Variants in EDA observed in about 807,000 individuals in gnomAD.
EDA encodes ectodysplasin A, also known as ectodysplasin-A.
A neutral mutation model predicts 23.6 loss-of-function variants in EDA; 2 were observed. That is an observed-to-expected ratio of 0.08 (90% confidence interval 0.03 to 0.27). EDA has a LOEUF of 0.27. Among genes scored for constraint, EDA ranks in the 10% least tolerant of loss-of-function variants. The probability of loss-of-function intolerance (pLI) is 1.00; values close to 1 mark genes in which losing one functional copy is unlikely to be tolerated. For synonymous variants in EDA, 131 were observed against 132.0 expected, an observed-to-expected ratio of 0.99 and a Z score of 0.05; for missense variants, 229 against 324.2, an observed-to-expected ratio of 0.71 and a Z score of 2.26.
chrX:69,760,005 C>T (rs2014249866), intron 1 of EDA, among the ~76,000 whole-genome samples: 1 of 108,638 alleles, frequency 9.2e-6, no homozygotes, highest in African/African-American at 3.4e-5. Context: ...GCAAATACCA[C>T]GTCTTTAAAG....
intron 1 of EDA, chrX:69,670,405 G>A (rs902372361): frequency 6.8e-6 from 2 of 292,101 alleles, no homozygotes; most frequent in Non-Finnish European, 1.2e-5. Flanking sequence ...AACTGTTTGC[G>A]AACTTTTGAG....
chrX:69,882,439 T>C (rs746012741), intron 1 of EDA, among the ~76,000 whole-genome samples: 1 of 111,997 alleles, frequency 8.9e-6, no homozygotes, highest in African/African-American at 3.2e-5. Flanking sequence ...ATGAACATTC[T>C]CTTGCTATTT....
At chrX:69,962,808 A>C (rs1258062264) in intron 2 of EDA, among the ~76,000 whole-genome samples, 1 of 112,294 alleles carries the variant, frequency 8.9e-6, no homozygotes, top group Admixed American at 9.4e-5. Flanking sequence ...ATGGTGTGCC[A>C]GGCATTTGGG....
intron 1 of EDA, among the ~76,000 whole-genome samples, chrX:69,684,436 A>G (rs1477521242): frequency 8.9e-6 from 1 of 112,153 alleles, no homozygotes; most frequent in Non-Finnish European, 1.9e-5. Context: ...CAAAAAAACA[A>G]TTAAATTGTG....
intron 1 of EDA, among the ~76,000 whole-genome samples, chrX:69,659,981 A>G (rs898083140): frequency 4.5e-5 from 5 of 111,621 alleles, no homozygotes; most frequent in African/African-American, 1.3e-4. Flanking sequence ...GTCAGTACCT[A>G]TTTATCTTTC....
intron 1 of EDA, among the ~76,000 whole-genome samples, chrX:69,744,151 C>T (rs2520400): frequency 0.32 from 35,371 of 110,635 alleles, 5,016 homozygotes; most frequent in Middle Eastern, 0.56. Context: ...TTGAGCATAT[C>T]AAGGTGATAT....
At chrX:69,925,994 G>T (rs2018512804) in intron 1 of EDA, among the ~76,000 whole-genome samples, 1 of 110,431 alleles carries the variant, frequency 9.1e-6, no homozygotes, top group Non-Finnish European at 1.9e-5. Context: ...TTTCTGTGGG[G>T]TCAGTGGTGA....
intron 2 of EDA, among the ~76,000 whole-genome samples, chrX:69,969,758 A>G (rs2019222942): frequency 9.0e-6 from 1 of 111,239 alleles, no homozygotes; most frequent in Non-Finnish European, 1.9e-5. Context: ...GCAAGGCCCA[A>G]ATTTAGTGTA....
At chrX:69,856,254 G>GGA in intron 1 of EDA, among the ~76,000 whole-genome samples, 1 of 74,940 alleles carries the variant, frequency 1.3e-5, no homozygotes, top group African/African-American at 5.0e-5. Context: ...AGTATTCCAT[G>GGA]GTGTGTGTGT....
intron 1 of EDA, among the ~76,000 whole-genome samples, chrX:69,883,335 G>A (rs1201694754): frequency 8.9e-6 from 1 of 111,800 alleles, no homozygotes; most frequent in Non-Finnish European, 1.9e-5. Flanking sequence ...GCCATGTTAG[G>A]GCCAGAGTTT....
intron 2 of EDA, among the ~76,000 whole-genome samples, chrX:69,998,641 C>A (rs1369475675): frequency 9.0e-6 from 1 of 111,705 alleles, no homozygotes; most frequent in African/African-American, 3.3e-5. Flanking sequence ...TGTGTCCTCA[C>A]CCAAATCTCA....
chrX:69,848,680 T>C (rs1405080817), intron 1 of EDA, among the ~76,000 whole-genome samples: 1 of 111,527 alleles, frequency 9.0e-6, no homozygotes, highest in Non-Finnish European at 1.9e-5. Context: ...AAATCCTGCA[T>C]TGGAATATTC....
At chrX:70,035,251 G>A (rs1370022866) in intron 7 of EDA, 107 bp from the exon 8 acceptor site, 2 of 941,639 alleles carry the variant, frequency 2.1e-6, no homozygotes, top group Non-Finnish European at 2.9e-6. Context: ...CATCCATGGG[G>A]TATACTAACA....
At chrX:69,771,188 G>A (rs1351529365) in intron 1 of EDA, among the ~76,000 whole-genome samples, 2 of 109,765 alleles carry the variant, frequency 1.8e-5, no homozygotes, top group African/African-American at 6.6e-5. Context: ...CCCCCAAGTC[G>A]CTGGGACTAC....
chrX:70,013,799 C>T (rs183338286), intron 2 of EDA, among the ~76,000 whole-genome samples: 2 of 111,362 alleles, frequency 1.8e-5, no homozygotes, highest in Non-Finnish European at 3.8e-5. Context: ...TGCTCTCTGA[C>T]TGGAAAAGGA....
chrX:69,707,189 A>G (rs2147321392), intron 1 of EDA, among the ~76,000 whole-genome samples: 1 of 112,346 alleles, frequency 8.9e-6, no homozygotes, highest in Non-Finnish European at 1.9e-5. Flanking sequence ...GAGAAGCAAG[A>G]ATAAGTACAG....
chrX:69,696,794 C>A (rs2011362178), intron 1 of EDA, among the ~76,000 whole-genome samples: 1 of 111,955 alleles, frequency 8.9e-6, no homozygotes, highest in South Asian at 3.7e-4. Flanking sequence ...TTCATGTTTA[C>A]TAATAGACCC....
At chrX:69,721,778 A>G (rs780562951) in intron 1 of EDA, among the ~76,000 whole-genome samples, 3 of 111,143 alleles carry the variant, frequency 2.7e-5, no homozygotes, top group Non-Finnish European at 5.7e-5. Context: ...AAACCAACTC[A>G]TCTTCTTGTT....
intron 1 of EDA, among the ~76,000 whole-genome samples, chrX:69,879,779 T>C (rs996712255): frequency 8.9e-6 from 1 of 111,933 alleles, no homozygotes; most frequent in Admixed American, 9.5e-5. Context: ...TATGGCTTCC[T>C]CTTCCTCTGT....
Sources: allele counts gnomAD v4.1 joint callset (sites outside exome capture counted in the v4.1 genomes callset), GRCh38; gene constraint gnomAD v4.1.1; transcripts MANE v1.5; gene names NCBI Gene and HGNC (gene_info 2026-07-23, HGNC 2026-07-21).